USH1C: variants seen among roughly 807,000 people sequenced by gnomAD.
USH1C encodes USH1 protein network component harmonin.
USH1C carries 90 observed loss-of-function variants against 119.3 expected under a neutral mutation model. The observed-to-expected ratio is 0.75, with a 90% CI of 0.64 to 0.90. USH1C has a LOEUF of 0.90. USH1C is among the 40% of genes least tolerant of loss of function. USH1C has a pLI of 0.00. For synonymous variants in USH1C, 465 were observed against 443.3 expected, an observed-to-expected ratio of 1.05 and a Z score of -0.62; for missense variants, 1,165 against 1,167.7, an observed-to-expected ratio of 1.00 and a Z score of 0.03.
intron 18 of USH1C, among the ~76,000 whole-genome samples, chr11:17,508,153 T>C (rs938565695): frequency 6.6e-6 from 1 of 152,226 alleles, no homozygotes; most frequent in African/African-American, 2.4e-5. Context: ...AGAAAAATGT[T>C]GTGCAAGGCT....
chr11:17,532,116 G>A (rs936655835), intron 2 of USH1C, among the ~76,000 whole-genome samples: 1 of 152,060 alleles, frequency 6.6e-6, no homozygotes, highest in Non-Finnish European at 1.5e-5. Flanking sequence ...TCCATGACCT[G>A]TCCCCATGGA....
intron 14 of USH1C, among the ~76,000 whole-genome samples, chr11:17,520,051 G>A (rs1207322008): frequency 1.3e-5 from 2 of 152,208 alleles, no homozygotes; most frequent in Non-Finnish European, 2.9e-5. Flanking sequence ...CCTGTCCTGT[G>A]TCAACTATAA....
At chr11:17,523,373 G>T (rs758362012) in intron 10 of USH1C, 46 bp downstream of exon 10, 2 of 1,613,536 alleles carry the variant, frequency 1.2e-6, no homozygotes, top group African/African-American at 1.3e-5. Flanking sequence ...GAGAAGTGGG[G>T]TGTGGAGATG....
intron 6 of USH1C, 86 bp from the exon 7 acceptor site, chr11:17,526,896 G>A: frequency 1.9e-6 from 3 of 1,583,894 alleles, no homozygotes; most frequent in Non-Finnish European, 2.6e-6. Context: ...ACCATGTCTA[G>A]AGCCTCCAGC....
rs142545736 is a variant in USH1C, at chr11:17,509,737, G to A, written c.1632C>T (p.Asp544=). The A allele has an allele frequency of 2.1e-4, 337 of 1,601,922 alleles. No individual in the cohort carries two copies. In the African/African-American group the frequency reaches 3.6e-3, roughly 17 times the overall value. ...AGTAGAACATGTCCAAAGGGATGTC[G>A]TCCAGGTCAGTGGTGTGCAGGTGCA... ...GGLHLHTTDL[D]DIPLDMFYYP... The change falls in exon 18 of 27, where the codon GAC becomes GAT. Residue 544 remains aspartate (D), a synonymous_variant. Transcript: ENST00000005226.
chr11:17,494,311 G>A lies in USH1C; in HGVS notation c.*21C>T, dbSNP rs774444429. ...ATCCGAGGCTTTGTGTTCACGAGGT[G>A]GGGCCGGAGCTCACTGTTTCCTAAC... On this transcript the variant is annotated 3_prime_UTR_variant, in exon 27 of 27. Coordinates refer to ENST00000005226, the MANE Select transcript of USH1C (RefSeq NM_153676.4). The A allele has an allele frequency of 3.6e-5, 58 of 1,606,622 alleles. No individual in the cohort carries two copies. The highest frequency in any genetic ancestry group is 4.9e-5 in the Non-Finnish European group (58 of 1,176,456).
chr11:17,508,834 T>C (rs1305076860), intron 18 of USH1C, among the ~76,000 whole-genome samples: 1 of 152,194 alleles, frequency 6.6e-6, no homozygotes, highest in Non-Finnish European at 1.5e-5. Context: ...CTGTAGAAAA[T>C]GGCACTGGAA....
At chr11:17,516,172 T>C (rs1255534874) in intron 15 of USH1C, 69 bp downstream of exon 15, 3 of 1,541,548 alleles carry the variant, frequency 1.9e-6, no homozygotes, top group Non-Finnish European at 8.9e-7. Context: ...GGACAAGGAA[T>C]GTTTGGGAAA....
rs375010180 is a variant in USH1C, at chr11:17,509,536, A to G, written c.1833T>C (p.Val611=). Residue 611 remains valine (V), a synonymous_variant, in exon 18 of 27, where the codon GTT becomes GTC. Coordinates refer to ENST00000005226, the MANE Select transcript of USH1C (RefSeq NM_153676.4). ...PPIPIPPPPS[V]PTQDLTPTRP... ...GGGTGGGAGTGAGGTCTTGGGTGGG[A>G]ACGGATGGCGGGGGAGGGATGGGAA... is the stretch of plus-strand genomic sequence containing the variant. 3 of 1,598,200 alleles carry G rather than the reference A, an allele frequency of 1.9e-6. No homozygotes were observed. The African/African-American group carries it at 4.1e-5, about 22-fold the overall frequency.
In USH1C at chr11:17,531,571, C is replaced by G. The variant is rs143531931; in HGVS notation, c.105-29G>C. ...TGGAGATGCCGGGAATGCCTGGAGCCTCACCCCTGGCCATGACCTCAGGCA... is the reference window on the plus strand; with the variant it reads ...TGGAGATGCCGGGAATGCCTGGAGCGTCACCCCTGGCCATGACCTCAGGCA... On this transcript the variant is annotated intron_variant, in intron 2 of 26. Coordinates refer to ENST00000005226, the MANE Select transcript of USH1C (RefSeq NM_153676.4). This position sits in a 1 kb window ranked among gnomAD's most constrained non-coding sequence, Gnocchi z 4.2. 6.2e-7 allele frequency: 1 copy of G among 1,610,514 alleles called. No homozygotes were observed. Among genetic ancestry groups the G allele is most frequent in the Non-Finnish European group, 8.5e-7 (1 of 1,179,850 alleles).
chr11:17,500,278 C>T (rs11024311), intron 23 of USH1C, among the ~76,000 whole-genome samples: 11,444 of 152,242 alleles, frequency 0.075, 426 homozygotes, highest in South Asian at 0.1. Context: ...GCACTTGTGC[C>T]GGACAGTAAA....
At position 17,509,556 on chromosome 11, in the gene USH1C, T is replaced by C; in HGVS notation, c.1813A>G (p.Ile605Val). 1 of 841,652 alleles carries C rather than the reference T, an allele frequency of 1.2e-6. No individual in the cohort carries two copies. Among genetic ancestry groups the C allele is most frequent in the Non-Finnish European group, 1.6e-6 (1 of 631,038 alleles). 52.1% of individuals were successfully genotyped at this position (841,652 alleles called of 1,614,324 possible). ...WVQRTPPPIP[I>V]PPPPSVPTQD... ...GTGGGAACGGATGGCGGGGGAGGGA[T>C]GGGAATGGGGGGTGGAGTGCGCTGC... Residue 605 changes from isoleucine to valine, a missense_variant, in exon 18 of 27, where the codon ATC becomes GTC. Transcript: ENST00000005226.
intron 19 of USH1C, 64 bp downstream of exon 19, chr11:17,505,766 C>T: frequency 1.9e-6 from 3 of 1,609,978 alleles, no homozygotes; most frequent in South Asian, 1.1e-5. Flanking sequence ...GACAGCAGAG[C>T]CCAGGGGAGG....
chr11:17,504,761 G>T, intron 19 of USH1C, 64 bp from the exon 20 acceptor site: 1 of 1,571,190 alleles, frequency 6.4e-7, no homozygotes, highest in Non-Finnish European at 8.7e-7. Context: ...GCTGCCCCCT[G>T]GTGCCAGGCT....
Position 17,509,947 on chromosome 11 carries a change from C to T in USH1C, c.1531-109G>A, listed in dbSNP as rs560152569. The T allele has an allele frequency of 3.8e-6, 5 of 1,329,692 alleles. No homozygotes were observed. In the East Asian group the frequency reaches 1.2e-4, roughly 31 times the overall value. 82.4% of individuals were successfully genotyped at this position (1,329,692 alleles called of 1,614,324 possible). On this transcript the variant is annotated intron_variant, in intron 17 of 26. Transcript: ENST00000005226. ...ATCTGTTTCTCTTGCTACTGGAGAC[C>T]CACCACCCTTACATCAGAACCATGG... is the stretch of plus-strand genomic sequence containing the variant.
Position 17,522,079 on chromosome 11 carries a change from G to A in USH1C, c.1020-668C>T, listed in dbSNP as rs150949220. Among the ~76,000 whole-genome samples, 7 of 152,174 alleles carry A rather than the reference G, an allele frequency of 4.6e-5. No individual in the cohort carries two copies. The East Asian group carries it at 9.7e-4, about 21-fold the overall frequency. ...AACTCCTGACCTCAGATGATCTGCCGGCCTCGACCTCCAAAGTGCTGGGAT... is the reference window on the plus strand; with the variant it reads ...AACTCCTGACCTCAGATGATCTGCCAGCCTCGACCTCCAAAGTGCTGGGAT... On this transcript the variant is annotated intron_variant, in intron 12 of 26. Coordinates refer to ENST00000005226, the MANE Select transcript of USH1C (RefSeq NM_153676.4).
chr11:17,513,236 C>A (rs545237228), intron 15 of USH1C, among the ~76,000 whole-genome samples: 1 of 152,192 alleles, frequency 6.6e-6, no homozygotes, highest in South Asian at 2.1e-4. Context: ...TCACACACAG[C>A]GTGGAGGACA....
At chr11:17,543,576 A>G (rs1340269635) in intron 1 of USH1C, among the ~76,000 whole-genome samples, 1 of 152,120 alleles carries the variant, frequency 6.6e-6, no homozygotes, top group Non-Finnish European at 1.5e-5. Context: ...AAACCTGGCC[A>G]CTTCCAGAGA....
At chr11:17,494,536 C>A in intron 26 of USH1C, 160 bp from the exon 27 acceptor site, 1 of 740,900 alleles carries the variant, frequency 1.3e-6, no homozygotes, top group South Asian at 1.5e-5. Context: ...AGTGGCTACA[C>A]ACCAGCCACA....
Sources: allele counts gnomAD v4.1 joint callset (sites outside exome capture counted in the v4.1 genomes callset), GRCh38; gene constraint gnomAD v4.1.1; non-coding constraint Gnocchi (gnomAD v3.1); transcripts MANE v1.5; gene names NCBI Gene and HGNC (gene_info 2026-07-23, HGNC 2026-07-21).